PPP1R9A: variants seen among roughly 807,000 people sequenced by gnomAD.
PPP1R9A encodes neurabin-1.
Under a neutral mutation model 141.9 loss-of-function variants are expected in PPP1R9A, and 59 were observed. The ratio of observed to expected loss-of-function variants is 0.42; its 90% CI spans 0.34 to 0.52. The LOEUF is 0.52. PPP1R9A is among the 20% of genes least tolerant of loss of function. PPP1R9A has a pLI of 0.10. For synonymous variants in PPP1R9A, 500 were observed against 569.7 expected (o/e 0.88, Z 1.74); for missense variants, 1,444 against 1,611.9 (o/e 0.90, Z 1.78).
rs571397474 is a variant in PPP1R9A, at chr7:94,946,466, A to T, written c.1395+34958A>T. ...CCATAGTCAGAATCATGGTTTAGGG[A>T]TATAACACAGTGGCCAATTTTACCT... On this transcript the variant is annotated intron_variant, in intron 2 of 19. Coordinates refer to ENST00000433360, the MANE Select transcript of PPP1R9A (RefSeq NM_001166160.2). Among the ~76,000 whole-genome samples, 19 of 152,140 alleles carry T rather than the reference A, an allele frequency of 1.2e-4. No homozygotes were observed. The East Asian group carries it at 3.5e-3, about 28-fold the overall frequency.
chr7:95,207,527 A>G (rs1220661679), intron 7 of PPP1R9A, among the ~76,000 whole-genome samples: 1 of 152,192 alleles, frequency 6.6e-6, no homozygotes, highest in African/African-American at 2.4e-5. Context: ...AACCATATGA[A>G]GCAACATATA....
At chr7:95,232,217 A>G (rs1371562077) in intron 8 of PPP1R9A, among the ~76,000 whole-genome samples, 1 of 152,184 alleles carries the variant, frequency 6.6e-6, no homozygotes, top group African/African-American at 2.4e-5. Flanking sequence ...TGAACAGACC[A>G]ATAGCAGGCA....
Position 95,284,144 on chromosome 7 carries a change from G to A in PPP1R9A, c.3423G>A (p.Arg1141=). Residue 1141 remains arginine, a synonymous_variant, in exon 17 of 20, where the codon AGG becomes AGA. Coordinates refer to ENST00000433360, the MANE Select transcript of PPP1R9A (RefSeq NM_001166160.2). ...NDSRKGSYSF[R]NLPAPTSSLQ... Reference sequence around the variant, plus strand: ...GCCGGAAAGGATCCTATTCCTTCAGGAACCTGCCTGCGCCTACAAGTTCCC... The same window carrying A: ...GCCGGAAAGGATCCTATTCCTTCAGAAACCTGCCTGCGCCTACAAGTTCCC... 6.3e-7 allele frequency: 1 copy of A among 1,590,150 alleles called. No homozygotes were observed. Among genetic ancestry groups the A allele is most frequent in the Non-Finnish European group, 8.5e-7 (1 of 1,171,354 alleles).
At chr7:95,282,339 A>G (rs1804417154) in intron 16 of PPP1R9A, among the ~76,000 whole-genome samples, 1 of 152,196 alleles carries the variant, frequency 6.6e-6, no homozygotes, top group Non-Finnish European at 1.5e-5. Flanking sequence ...CTCAAAAAAA[A>G]GAAAACAGAA....
chr7:95,058,902 G>C lies in PPP1R9A; in HGVS notation c.1396-52357G>C, dbSNP rs531783202. Among the ~76,000 whole-genome samples the C allele has an allele frequency of 3.1e-4, 47 of 151,778 alleles. No homozygotes were observed. The South Asian group carries it at 9.8e-3, about 32-fold the overall frequency. On this transcript the variant is annotated intron_variant, in intron 2 of 19. Transcript: ENST00000433360. The stretch of plus-strand genomic sequence containing the variant: ...ACTCCCTGGTTCAAGTGATTCTTCT[G>C]CCTCAGCCTCCCAAATAGTTGGGAT...
At chr7:95,245,466 G>A (rs73431099) in intron 8 of PPP1R9A, among the ~76,000 whole-genome samples, 20 of 152,150 alleles carry the variant, frequency 1.3e-4, no homozygotes, top group Admixed American at 1.2e-3. Context: ...TAGTCTTCCC[G>A]TGTCTAAAAT....
intron 8 of PPP1R9A, among the ~76,000 whole-genome samples, chr7:95,244,097 A>C (rs905434755): frequency 2.0e-5 from 3 of 152,178 alleles, no homozygotes; most frequent in Middle Eastern, 3.2e-3. Context: ...GTACTAAGAA[A>C]ATCTTGTCCA....
At chr7:95,108,302 C>CTTTTTT (rs1819885993) in intron 2 of PPP1R9A, among the ~76,000 whole-genome samples, 1 of 68,758 alleles carries the variant, frequency 1.5e-5, no homozygotes, top group Non-Finnish European at 3.2e-5. Context: ...TTTTTCGTTT[C>CTTTTTT]TTTTCTTTTT....
intron 2 of PPP1R9A, among the ~76,000 whole-genome samples, chr7:94,985,028 TTG>T (rs1440994894): frequency 6.6e-6 from 1 of 152,202 alleles, no homozygotes; most frequent in East Asian, 1.9e-4. Context: ...TTCTGGTATG[TTG>T]TGTCTTCGTT....
chr7:94,914,324 T>C (rs1285552714), intron 2 of PPP1R9A, among the ~76,000 whole-genome samples: 1 of 152,208 alleles, frequency 6.6e-6, no homozygotes, highest in African/African-American at 2.4e-5. Flanking sequence ...GTTCTTTTTA[T>C]AGATGTTTTA....
intron 2 of PPP1R9A, among the ~76,000 whole-genome samples, chr7:94,958,269 A>G (rs1193156877): frequency 6.6e-6 from 1 of 152,096 alleles, no homozygotes; most frequent in Non-Finnish European, 1.5e-5. Flanking sequence ...CCTGTTCTGC[A>G]GTTTAAATTG....
rs571780389 is a variant in PPP1R9A, at chr7:94,936,276, A to G, written c.1395+24768A>G. On this transcript the variant is annotated intron_variant, in intron 2 of 19. Transcript: ENST00000433360. ...TAAATTGAAAAGGTTCTATTAGATG[A>G]TCTAAGATCTGTTTGAGCTCCTAAA... 3.3e-5 allele frequency among the ~76,000 whole-genome samples: 5 copies of G among 152,236 alleles called. No individual in the cohort carries two copies. In the South Asian group the frequency reaches 1.0e-3, roughly 32 times the overall value.
chr7:95,092,740 C>T (rs576513689), intron 2 of PPP1R9A, among the ~76,000 whole-genome samples: 74 of 152,212 alleles, frequency 4.9e-4, no homozygotes, highest in African/African-American at 1.5e-3. Flanking sequence ...AAATGAAATG[C>T]GGCATATAAG....
In PPP1R9A at chr7:95,292,111, T is replaced by G. The variant is rs1432778079; in HGVS notation, c.*1808T>G. 1.3e-5 allele frequency: 2 copies of G among 152,218 alleles called. No homozygotes were observed. Among genetic ancestry groups the G allele is most frequent in the Non-Finnish European group, 2.9e-5 (2 of 68,038 alleles). 9.4% of individuals were successfully genotyped at this position (152,218 alleles called of 1,614,324 possible). On this transcript the variant is annotated 3_prime_UTR_variant, in exon 20 of 20. Coordinates refer to ENST00000433360, the MANE Select transcript of PPP1R9A (RefSeq NM_001166160.2). ...GTTGACATGAAGTAACATTGTGTTT[T>G]ACAGTTATCAAAGTCACCATTATGT... is the stretch of plus-strand genomic sequence containing the variant.
At chr7:95,117,286 GC>G (rs771692955) in intron 3 of PPP1R9A, among the ~76,000 whole-genome samples, 22 of 152,044 alleles carry the variant, frequency 1.4e-4, no homozygotes, top group Non-Finnish European at 3.2e-4. Context: ...CGATGGGTCA[GC>G]CACAGGAATA....
At chr7:95,258,623 A>G (rs1395283784) in intron 12 of PPP1R9A, among the ~76,000 whole-genome samples, 2 of 152,196 alleles carry the variant, frequency 1.3e-5, no homozygotes. Flanking sequence ...TAAGAAAAAA[A>G]TATTGTTGTC....
intron 4 of PPP1R9A, among the ~76,000 whole-genome samples, chr7:95,152,743 T>G (rs1240507997): frequency 6.6e-6 from 1 of 152,206 alleles, no homozygotes; most frequent in Non-Finnish European, 1.5e-5. Flanking sequence ...TTAACTTGTA[T>G]TTAACCTTCT....
In PPP1R9A at chr7:95,226,003, C is replaced by T; in HGVS notation, c.1999C>T (p.Pro667Ser). ...AGATGAAGAAGAAGATGAGGTAGGA[C>T]CTGTCCTTCCTGGCAGCGACATGGC... ...ATDEEEDEVG[P>S]VLPGSDMAIE... is the part of the protein sequence containing the mutation. The change falls in exon 8 of 20, where the codon CCT becomes TCT. Residue 667 changes from proline (P) to serine (S), a missense_variant. By Grantham distance (74) the Pro-to-Ser change is moderately conservative. Coordinates refer to ENST00000433360, the MANE Select transcript of PPP1R9A (RefSeq NM_001166160.2). The T allele has an allele frequency of 6.2e-7, 1 of 1,613,406 alleles. No homozygotes were observed. Among genetic ancestry groups the T allele is most frequent in the Admixed American group, 1.7e-5 (1 of 59,950 alleles).
At chr7:95,035,423 T>G (rs1808301665) in intron 2 of PPP1R9A, among the ~76,000 whole-genome samples, 1 of 152,188 alleles carries the variant, frequency 6.6e-6, no homozygotes, top group South Asian at 2.1e-4. Context: ...CTTATATTTA[T>G]ATATCTTTTC....
Sources: gnomAD v4.1 joint callset for allele counts (sites outside exome capture counted in the v4.1 genomes callset) on GRCh38, gnomAD v4.1.1 for gene constraint, MANE v1.5 for transcripts, NCBI Gene and HGNC (gene_info 2026-07-23, HGNC 2026-07-21) for gene names.